C12orf42: variants seen among roughly 807,000 people sequenced by gnomAD.
The protein encoded by C12orf42 is uncharacterized protein C12orf42.
C12orf42 carries 25 observed loss-of-function variants against 21.6 expected under a neutral mutation model. That is an observed-to-expected ratio of 1.16 (90% CI 0.84 to 1.62). The LOEUF is 1.62. Ranked by LOEUF, C12orf42 falls within the 40% of genes most tolerant of loss-of-function variation. The probability of loss-of-function intolerance (pLI) is 0.00; values close to 1 mark genes in which losing one functional copy is unlikely to be tolerated. For synonymous variants in C12orf42, 174 were observed against 175.0 expected (o/e 0.99, Z 0.05); for missense variants, 483 against 459.3 (o/e 1.05, Z -0.47).
downstream of C12orf42, among the ~76,000 whole-genome samples, chr12:103,265,143 C>A (rs981642789): frequency 1.3e-5 from 2 of 152,188 alleles, no homozygotes; most frequent in South Asian, 4.1e-4. Context: ...TATAAGGGCA[C>A]AATCTCTTTC....
the C12orf42 span, among the ~76,000 whole-genome samples, chr12:103,130,358 G>T: frequency 6.7e-6 from 1 of 150,136 alleles, no homozygotes; most frequent in Non-Finnish European, 1.5e-5. Flanking sequence ...ATACTAGATG[G>T]CTTGACTGAG....
chr12:103,323,078 G>A (rs1358843171), intron 4 of C12orf42, among the ~76,000 whole-genome samples: 2 of 151,878 alleles, frequency 1.3e-5, no homozygotes, highest in South Asian at 2.1e-4. Context: ...TCTACACTGG[G>A]CTATAAAGTA....
the C12orf42 span, among the ~76,000 whole-genome samples, chr12:103,179,330 T>C: frequency 1.3e-5 from 2 of 152,168 alleles, no homozygotes; most frequent in Non-Finnish European, 2.9e-5. Context: ...TTTGTGGCTA[T>C]TGGGAAGGAG....
the C12orf42 span, among the ~76,000 whole-genome samples, chr12:103,206,342 G>A: frequency 4.4e-4 from 67 of 152,138 alleles, no homozygotes; most frequent in African/African-American, 1.1e-3. Flanking sequence ...CTTAGAGTCT[G>A]TTTGCAGGAA....
the C12orf42 span, among the ~76,000 whole-genome samples, chr12:103,050,887 T>C: frequency 6.6e-6 from 1 of 152,204 alleles, no homozygotes; most frequent in Admixed American, 6.5e-5. Flanking sequence ...TTTTCAAATA[T>C]GAAGGGCTTA....
chr12:103,230,251 G>A, the C12orf42 span, among the ~76,000 whole-genome samples: 2 of 152,196 alleles, frequency 1.3e-5, no homozygotes, highest in Non-Finnish European at 2.9e-5. Flanking sequence ...TTATCTGGTG[G>A]CTTGGCAGAG....
the C12orf42 span, among the ~76,000 whole-genome samples, chr12:103,198,997 T>C: frequency 6.6e-6 from 1 of 152,164 alleles, no homozygotes; most frequent in African/African-American, 2.4e-5. Flanking sequence ...AGACCCCAAA[T>C]AGCCATAGGA....
At chr12:103,115,640 A>G in the C12orf42 span, among the ~76,000 whole-genome samples, 1 of 152,214 alleles carries the variant, frequency 6.6e-6, no homozygotes, top group South Asian at 2.1e-4. Flanking sequence ...TAGTACATGT[A>G]AAGGATTTAG....
At chr12:103,133,082 G>A in the C12orf42 span, among the ~76,000 whole-genome samples, 1 of 152,118 alleles carries the variant, frequency 6.6e-6, no homozygotes, top group Non-Finnish European at 1.5e-5. Context: ...GGTGCCTGGG[G>A]ACTGTTCAGC....
chr12:103,328,807 G>A (rs1424136725), intron 4 of C12orf42, among the ~76,000 whole-genome samples: 1 of 152,186 alleles, frequency 6.6e-6, no homozygotes, highest in Non-Finnish European at 1.5e-5. Flanking sequence ...GGGTGAAAGT[G>A]AAAATGGCCT....
chr12:103,224,084 C>T, the C12orf42 span, among the ~76,000 whole-genome samples: 74 of 151,660 alleles, frequency 4.9e-4, no homozygotes, highest in South Asian at 4.0e-3. Context: ...GAAATGACTG[C>T]GGTGGCCTTC....
chr12:103,219,938 C>T, the C12orf42 span, among the ~76,000 whole-genome samples: 3 of 152,068 alleles, frequency 2.0e-5, no homozygotes, highest in Non-Finnish European at 4.4e-5. Flanking sequence ...TATAAATCAT[C>T]CTACTATAAA....
chr12:103,137,832 G>A, the C12orf42 span, among the ~76,000 whole-genome samples: 1 of 152,152 alleles, frequency 6.6e-6, no homozygotes, highest in Non-Finnish European at 1.5e-5. Flanking sequence ...ATCTCTTGGA[G>A]GTAGAGAGTA....
chr12:103,215,524 A>G, the C12orf42 span, among the ~76,000 whole-genome samples: 10 of 150,460 alleles, frequency 6.6e-5, no homozygotes. Flanking sequence ...TGATCAATTA[A>G]AAGGCTATAA....
chr12:103,533,301 T>G, the C12orf42 span, among the ~76,000 whole-genome samples: 3 of 152,194 alleles, frequency 2.0e-5, no homozygotes, highest in African/African-American at 7.2e-5. Context: ...CAGTATAAAG[T>G]TGAATATTGC....
intron 1 of C12orf42, among the ~76,000 whole-genome samples, chr12:103,485,798 C>T (rs1440851020): frequency 1.3e-5 from 2 of 152,142 alleles, no homozygotes; most frequent in East Asian, 1.9e-4. Context: ...TATAGGAATG[C>T]TTGTGATTTT....
At chr12:103,145,954 TAG>T in the C12orf42 span, among the ~76,000 whole-genome samples, 2 of 150,884 alleles carry the variant, frequency 1.3e-5, no homozygotes, top group Non-Finnish European at 1.5e-5. Flanking sequence ...CATATATATA[TAG>T]AGAGAGAGAG....
rs563792910 is a variant in C12orf42, at chr12:103,278,699, A to G, written n.338-1489T>C. 5.3e-5 allele frequency among the ~76,000 whole-genome samples: 8 copies of G among 152,344 alleles called. No homozygotes were observed. The South Asian group carries it at 1.7e-3, about 32-fold the overall frequency. On this transcript the variant is annotated intron_variant and non_coding_transcript_variant, in intron 4 of 6. Coordinates refer to the C12orf42 transcript ENST00000546526. ...CTTCTTCCATTGCTCATGTATTAAT[A>G]GCAACGTGGACATTTCACTGGGGCT...
At chr12:103,415,940 C>T (rs1399013568) in intron 2 of C12orf42, among the ~76,000 whole-genome samples, 2 of 152,034 alleles carry the variant, frequency 1.3e-5, no homozygotes, top group South Asian at 2.1e-4. Flanking sequence ...AGAAAAAACT[C>T]TCTGCCTTTT....
Sources: allele counts gnomAD v4.1 joint callset (sites outside exome capture counted in the v4.1 genomes callset), GRCh38; gene constraint gnomAD v4.1.1; transcripts MANE v1.5; gene names NCBI Gene and HGNC (gene_info 2026-07-23, HGNC 2026-07-21).